Variants in ZNF599 observed in about 807,000 individuals in gnomAD.
ZNF599 encodes zinc finger protein 599.
A neutral mutation model predicts 11.7 loss-of-function variants in ZNF599; 10 were observed. The observed-to-expected ratio is 0.86, with a 90% CI of 0.53 to 1.45. The LOEUF (loss-of-function observed/expected upper bound fraction) is 1.45, where lower values mean the gene tolerates loss of function less well. Ranked by LOEUF, ZNF599 falls within the 40% of genes most tolerant of loss-of-function variation. ZNF599 has a pLI of 0.00. For synonymous variants in ZNF599, 232 were observed against 253.2 expected (o/e 0.92, Z 0.79); for missense variants, 688 against 713.6 (o/e 0.96, Z 0.41).
chr19:34,772,474 G>C (rs1982537), intron 1 of ZNF599: 1,109,820 of 1,158,908 alleles, frequency 0.96, 532,243 homozygotes, highest in Middle Eastern at 0.99. Flanking sequence ...TCTCCGAGCA[G>C]TGAAAGACAG....
At chr19:34,807,256 T>C in the ZNF599 span, among the ~76,000 whole-genome samples, 1 of 152,082 alleles carries the variant, frequency 6.6e-6, no homozygotes, top group Admixed American at 6.5e-5. Context: ...GTTCCCACAA[T>C]GTGGGGCTTA....
At chr19:34,764,444 G>C (rs993125533) in intron 3 of ZNF599, 2 of 152,188 alleles carry the variant, frequency 1.3e-5, no homozygotes, top group African/African-American at 4.8e-5. Context: ...ACAGAAATAT[G>C]GGTTTATATC....
upstream of ZNF599, among the ~76,000 whole-genome samples, chr19:34,777,491 TGA>T (rs1381051481): frequency 4.6e-5 from 5 of 107,754 alleles, no homozygotes; most frequent in Middle Eastern, 4.0e-3. Context: ...ATATAATATA[TGA>T]TATATATTAA....
the ZNF599 span, among the ~76,000 whole-genome samples, chr19:34,779,243 C>CTT: frequency 3.0e-3 from 170 of 57,254 alleles, 2 homozygotes; most frequent in Middle Eastern, 0.017. Context: ...CCATGCCCAG[C>CTT]TTTTTTTTTT....
Position 34,758,939 on chromosome 19 carries a change from T to C in ZNF599, c.*95A>G. The C allele has an allele frequency of 5.3e-6, 7 of 1,328,898 alleles. No individual in the cohort carries two copies. The highest frequency in any genetic ancestry group is 7.2e-6 in the Non-Finnish European group (7 of 966,414). 82.3% of individuals were successfully genotyped at this position (1,328,898 alleles called of 1,614,324 possible). A position where few individuals can be genotyped will look rare whatever the true frequency, so the allele number is the denominator to read the frequency against. ...TACTAAGACATCTCTCTGGCCAAAATATTTCCCTCAATAGTTATACTCAAA... is the reference window on the plus strand; with the variant it reads ...TACTAAGACATCTCTCTGGCCAAAACATTTCCCTCAATAGTTATACTCAAA... On this transcript the variant is annotated 3_prime_UTR_variant, in exon 4 of 4. Transcript: ENST00000329285.
At position 34,773,001 on chromosome 19, in the gene ZNF599, G is replaced by A. The variant is rs574802085; in HGVS notation, c.-160C>T. On this transcript the variant is annotated 5_prime_UTR_variant, in exon 1 of 4. Transcript: ENST00000329285. ...GCGGCGCCGCCTCTGCGCGCCGTGA[G>A]GACACAGGGCTGTCGCCAAGGCCCC... 5 of 853,020 alleles carry A rather than the reference G, an allele frequency of 5.9e-6. No individual in the cohort carries two copies. The highest frequency in any genetic ancestry group is 8.5e-6 in the Non-Finnish European group (5 of 590,320). The allele number at this position is 853,020 out of a possible 1,614,324, so 52.8% of individuals were successfully genotyped here.
chr19:34,795,043 G>C, the ZNF599 span, among the ~76,000 whole-genome samples: 46 of 152,330 alleles, frequency 3.0e-4, no homozygotes, highest in East Asian at 7.5e-3. Context: ...CAGAAGATGG[G>C]ATGGGTTGGA....
At chr19:34,765,479 A>T in intron 3 of ZNF599, 1 of 681,876 alleles carries the variant, frequency 1.5e-6, no homozygotes, top group South Asian at 1.6e-5. Context: ...GGTGGGAGAT[A>T]ATAAATAAGT....
chr19:34,767,485 A>G, intron 2 of ZNF599, 74 bp from the exon 3 acceptor site: 1 of 1,178,078 alleles, frequency 8.5e-7, no homozygotes, highest in Non-Finnish European at 1.2e-6. Context: ...GTAAAGGAGT[A>G]CATATATTTA....
At chr19:34,766,331 A>C (rs912489721) in intron 3 of ZNF599, among the ~76,000 whole-genome samples, 30 of 152,206 alleles carry the variant, frequency 2.0e-4, no homozygotes, top group African/African-American at 6.8e-4. Context: ...AGAAAACAAC[A>C]GGGCTAGGGA....
At chr19:34,768,119 T>C (rs1216924698) in intron 2 of ZNF599, among the ~76,000 whole-genome samples, 1 of 152,152 alleles carries the variant, frequency 6.6e-6, no homozygotes, top group Non-Finnish European at 1.5e-5. Flanking sequence ...AGCTGTCACT[T>C]AGCAAATGTT....
the ZNF599 span, among the ~76,000 whole-genome samples, chr19:34,792,287 A>G: frequency 1.3e-5 from 2 of 152,202 alleles, no homozygotes; most frequent in Non-Finnish European, 2.9e-5. Flanking sequence ...TCCCTGAACA[A>G]AAGAACCACC....
the ZNF599 span, among the ~76,000 whole-genome samples, chr19:34,796,395 C>T: frequency 6.6e-6 from 1 of 151,752 alleles, no homozygotes; most frequent in Admixed American, 6.6e-5. Context: ...ACTGCAACCT[C>T]CGCCTCCTGG....
chr19:34,759,051 T>A lies in ZNF599; in HGVS notation c.1750A>T (p.Ile584Phe). ...HSSSFTHHRK[I>F]HTRV Reference sequence around the variant, plus strand: ...TGTATCTTTTAAACTCTGGTATGAATCTTTCGATGGTGAGTGAACGATGAA... The same window carrying A: ...TGTATCTTTTAAACTCTGGTATGAAACTTTCGATGGTGAGTGAACGATGAA... Residue 584 changes from isoleucine (I) to phenylalanine (F), a missense_variant, in exon 4 of 4, where the codon ATT (isoleucine) becomes TTT (phenylalanine). By Grantham distance (21) the Ile-to-Phe change is conservative. Transcript: ENST00000329285. 1 of 1,610,782 alleles carries A rather than the reference T, an allele frequency of 6.2e-7. No individual in the cohort carries two copies.
At position 34,759,967 on chromosome 19, in the gene ZNF599, G is replaced by T; in HGVS notation, c.834C>A (p.Thr278=). The change falls in exon 4 of 4, where the codon ACC becomes ACA. Residue 278 remains threonine (T), a synonymous_variant. Coordinates refer to ENST00000329285, the MANE Select transcript of ZNF599 (RefSeq NM_001007248.3). ...CTTTGCACTCATAGGGCTTATCTCC[G>T]GTGTGAATACGCTGGTGCTCCGTGA... is the stretch of plus-strand genomic sequence containing the variant. ...FHLTEHQRIH[T]GDKPYECKEC... is the part of the protein sequence containing the mutation. The T allele has an allele frequency of 6.2e-7, 1 of 1,614,058 alleles. No homozygotes were observed. The highest frequency in any genetic ancestry group is 1.1e-5 in the South Asian group (1 of 91,076).
chr19:34,784,806 A>G, the ZNF599 span, among the ~76,000 whole-genome samples: 3 of 151,164 alleles, frequency 2.0e-5, no homozygotes, highest in African/African-American at 7.3e-5. Flanking sequence ...CCCATATGCA[A>G]TCCTCATGGC....
rs1238143776 is a variant in ZNF599 at position 34,772,537 on chromosome 19, G to C, written c.18+287C>G. 4.5e-6 allele frequency: 6 copies of C among 1,334,578 alleles called. No individual in the cohort carries two copies. In the African/African-American group the frequency reaches 6.2e-5, roughly 14 times the overall value. 82.7% of individuals were successfully genotyped at this position (1,334,578 alleles called of 1,614,324 possible). On this transcript the variant is annotated intron_variant, in intron 1 of 3. Coordinates refer to ENST00000329285, the MANE Select transcript of ZNF599 (RefSeq NM_001007248.3). ...AGCTCCCTCCACAGAGAAAATTACT[G>C]AGACTCGCATTTTAGACCCGAGGGA...
the ZNF599 span, among the ~76,000 whole-genome samples, chr19:34,783,375 G>A: frequency 6.6e-6 from 1 of 152,172 alleles, no homozygotes; most frequent in Non-Finnish European, 1.5e-5. Context: ...AACTGAGCAG[G>A]CTAAGGATCG....
chr19:34,769,439 C>T lies in ZNF599; in HGVS notation c.135G>A (p.Leu45=). The stretch of plus-strand genomic sequence containing the variant: ...GTAATGAGGTCTTACCCAGTGAGAC[C>T]AGGAGCCTGCAGGTCTCCAGCATCA... ...QEVMLETCRL[L]VSLGHPVPKP... is the part of the protein sequence containing the mutation. The change falls in exon 2 of 4, where the codon CTG becomes CTA. Residue 45 remains leucine, a synonymous_variant. Coordinates refer to ENST00000329285, the MANE Select transcript of ZNF599 (RefSeq NM_001007248.3). 6.2e-7 allele frequency: 1 copy of T among 1,614,110 alleles called. No homozygotes were observed. Among genetic ancestry groups the T allele is most frequent in the Non-Finnish European group, 8.5e-7 (1 of 1,180,008 alleles).
Sources: allele counts gnomAD v4.1 joint callset (sites outside exome capture counted in the v4.1 genomes callset), GRCh38; gene constraint gnomAD v4.1.1; transcripts MANE v1.5; gene names NCBI Gene and HGNC (gene_info 2026-07-23, HGNC 2026-07-21).